Variants in PRKN observed in about 807,000 individuals in gnomAD.
PRKN encodes E3 ubiquitin-protein ligase parkin.
Under a neutral mutation model 59.5 loss-of-function variants are expected in PRKN, and 56 were observed. That is an observed-to-expected ratio of 0.94 (90% CI 0.76 to 1.18). The LOEUF is 1.18. PRKN is among the 50% of genes most tolerant of loss of function. The pLI is 0.00. For missense variants in PRKN, 657 were observed against 596.4 expected, an observed-to-expected ratio of 1.10 and a Z score of -1.06; for synonymous variants, 250 against 222.1, an observed-to-expected ratio of 1.13 and a Z score of -1.12.
chr6:162,607,393 G>A (rs1379477933), intron 1 of PRKN, among the ~76,000 whole-genome samples: 1 of 152,152 alleles, frequency 6.6e-6, no homozygotes, highest in Non-Finnish European at 1.5e-5. Flanking sequence ...AGTGAATACT[G>A]TGGAGATAAG....
intron 5 of PRKN, among the ~76,000 whole-genome samples, chr6:162,011,944 A>T (rs1028426137): frequency 8.6e-5 from 13 of 151,996 alleles, no homozygotes; most frequent in Non-Finnish European, 1.9e-4. Flanking sequence ...ATTTAGGTAG[A>T]TATATATTTA....
intron 1 of PRKN, among the ~76,000 whole-genome samples, chr6:162,469,527 CACAT>C (rs1246121323): frequency 1.3e-5 from 2 of 150,682 alleles, no homozygotes; most frequent in African/African-American, 2.4e-5. Flanking sequence ...CACACACACA[CACAT>C]ACACATACTA....
intron 7 of PRKN, among the ~76,000 whole-genome samples, chr6:161,693,325 C>T (rs1333514449): frequency 1.3e-5 from 2 of 152,026 alleles, no homozygotes; most frequent in African/African-American, 4.8e-5. Flanking sequence ...CCATTCTTTA[C>T]AGGAGTATGG....
At chr6:161,883,193 A>T (rs1397317193) in intron 6 of PRKN, among the ~76,000 whole-genome samples, 1 of 152,146 alleles carries the variant, frequency 6.6e-6, no homozygotes, top group Non-Finnish European at 1.5e-5. Context: ...CTTTGGTTTA[A>T]TCATGTTTTA....
intron 5 of PRKN, among the ~76,000 whole-genome samples, chr6:162,009,585 CA>C (rs1465084323): frequency 2.0e-5 from 3 of 151,764 alleles, no homozygotes; most frequent in Non-Finnish European, 2.9e-5. Context: ...GTAACCTTTG[CA>C]CACTAAATAT....
intron 6 of PRKN, among the ~76,000 whole-genome samples, chr6:161,833,027 C>G (rs1031670802): frequency 6.6e-6 from 1 of 152,116 alleles, no homozygotes; most frequent in Non-Finnish European, 1.5e-5. Flanking sequence ...AATAGGAAGC[C>G]TCATGAGACA....
intron 9 of PRKN, among the ~76,000 whole-genome samples, chr6:161,507,194 A>C (rs1237037465): frequency 2.0e-5 from 3 of 152,220 alleles, no homozygotes; most frequent in African/African-American, 7.2e-5. Flanking sequence ...AGGTGTGCGG[A>C]ACCCATTCCA....
chr6:161,657,420 C>A (rs1047183730), intron 7 of PRKN, among the ~76,000 whole-genome samples: 1 of 152,188 alleles, frequency 6.6e-6, no homozygotes, highest in Non-Finnish European at 1.5e-5. Flanking sequence ...TAGGATCCTG[C>A]TCCACATCTC....
intron 3 of PRKN, among the ~76,000 whole-genome samples, chr6:162,214,059 A>C (rs1331300891): frequency 1.3e-5 from 2 of 152,024 alleles, no homozygotes; most frequent in East Asian, 3.9e-4. Context: ...CCCCAGACAC[A>C]TCCCCTATCT....
At chr6:162,363,135 A>C (rs10455901) in intron 2 of PRKN, among the ~76,000 whole-genome samples, 1,338 of 91,396 alleles carry the variant, frequency 0.015, 8 homozygotes, top group East Asian at 0.035. Context: ...CTCAAACAAA[A>C]AAAAAAAAAA....
intron 2 of PRKN, among the ~76,000 whole-genome samples, chr6:162,311,934 G>C (rs1218447654): frequency 6.6e-6 from 1 of 151,814 alleles, no homozygotes; most frequent in Non-Finnish European, 1.5e-5. Context: ...TTAAGTTTCA[G>C]ATACCCAGAC....
intron 7 of PRKN, among the ~76,000 whole-genome samples, chr6:161,728,825 C>T (rs1017391748): frequency 2.0e-5 from 3 of 152,138 alleles, no homozygotes; most frequent in Admixed American, 6.5e-5. Flanking sequence ...CAGGCCAAAC[C>T]AGGCAGGAGC....
intron 6 of PRKN, among the ~76,000 whole-genome samples, chr6:161,800,446 C>A (rs901924871): frequency 6.6e-6 from 1 of 152,224 alleles, no homozygotes; most frequent in Non-Finnish European, 1.5e-5. Context: ...AATTTAAAAT[C>A]TTTGCTTAGA....
rs914501498 is a variant in PRKN, at chr6:161,434,928, G to A, written c.1084-48051C>T. ...GTAGCATGTGTGTTTCTGGGAGGAAGGAGAGGGGAGGGTTAAAGAGTTCCT... is the reference window on the plus strand; with the variant it reads ...GTAGCATGTGTGTTTCTGGGAGGAAAGAGAGGGGAGGGTTAAAGAGTTCCT... On this transcript the variant is annotated intron_variant, in intron 9 of 11. Coordinates refer to ENST00000366898, the MANE Select transcript of PRKN (RefSeq NM_004562.3). 2.0e-5 allele frequency among the ~76,000 whole-genome samples: 3 copies of A among 152,162 alleles called. No individual in the cohort carries two copies. In the East Asian group the frequency reaches 5.8e-4, roughly 29 times the overall value.
chr6:162,033,987 G>C (rs917107746), intron 5 of PRKN, among the ~76,000 whole-genome samples: 3 of 151,954 alleles, frequency 2.0e-5, no homozygotes, highest in African/African-American at 7.2e-5. Context: ...TGATGTAACT[G>C]GTCCTAATTA....
At chr6:161,453,832 C>T (rs189533890) in intron 9 of PRKN, among the ~76,000 whole-genome samples, 290 of 150,426 alleles carry the variant, frequency 1.9e-3, no homozygotes, top group African/African-American at 6.9e-3. Flanking sequence ...TATGATTACC[C>T]TTTCTGGGAA....
chr6:161,417,655 C>T lies in PRKN; in HGVS notation c.1084-30778G>A, dbSNP rs1278708413. Among the ~76,000 whole-genome samples, 1 of 152,246 alleles carries T rather than the reference C, an allele frequency of 6.6e-6. No homozygotes were observed. Among genetic ancestry groups the T allele is most frequent in the African/African-American group, 2.4e-5 (1 of 41,528 alleles). On this transcript the variant is annotated intron_variant, in intron 9 of 11. Transcript: ENST00000366898. The surrounding 1 kb of genome is among the most constrained non-coding windows in gnomAD (Gnocchi z 5.4). Reference sequence around the variant, plus strand: ...GTAATTGTCACAGCAGTACTCAATACACACATTTTCACAGGCAAGGAAACT... The same window carrying T: ...GTAATTGTCACAGCAGTACTCAATATACACATTTTCACAGGCAAGGAAACT...
At chr6:161,537,343 A>G (rs189375334) in intron 9 of PRKN, among the ~76,000 whole-genome samples, 24 of 152,370 alleles carry the variant, frequency 1.6e-4, no homozygotes, top group Admixed American at 1.2e-3. Flanking sequence ...AATGACTAAC[A>G]TAAGTTGACT....
intron 7 of PRKN, among the ~76,000 whole-genome samples, chr6:161,749,731 G>A (rs986623628): frequency 6.6e-6 from 1 of 152,028 alleles, no homozygotes; most frequent in Non-Finnish European, 1.5e-5. Flanking sequence ...CTCGGCCTCG[G>A]GGCTGACATG....
Sources: gnomAD v4.1 joint callset for allele counts (sites outside exome capture counted in the v4.1 genomes callset) on GRCh38, gnomAD v4.1.1 for gene constraint, Gnocchi (gnomAD v3.1) non-coding constraint, MANE v1.5 for transcripts, NCBI Gene and HGNC (gene_info 2026-07-23, HGNC 2026-07-21) for gene names.